LMBRD1: variants seen among roughly 807,000 people sequenced by gnomAD.
LMBRD1 encodes LMBR1 domain containing 1, also known as lysosomal cobalamin transport escort protein LMBD1.
In LMBRD1, 64 loss-of-function variants were observed where a neutral mutation model predicts 74.8. That is an observed-to-expected ratio of 0.86 (90% CI 0.70 to 1.05). The LOEUF (loss-of-function observed/expected upper bound fraction) is 1.05. Ranked by LOEUF, LMBRD1 falls within the 50% of genes least tolerant of loss-of-function variation. The pLI, the probability that LMBRD1 is intolerant of heterozygous loss-of-function variation, is 0.00. For synonymous variants in LMBRD1, 204 were observed against 216.3 expected (o/e 0.94, Z 0.50); for missense variants, 652 against 645.9 (o/e 1.01, Z -0.10).
intron 1 of LMBRD1, among the ~76,000 whole-genome samples, chr6:69,793,405 A>C (rs1317223429): frequency 6.6e-6 from 1 of 152,206 alleles, no homozygotes; most frequent in African/African-American, 2.4e-5. Context: ...ATTCAGTAGG[A>C]CTGGGGTCAC....
At chr6:69,702,375 T>C (rs1766153182) in intron 9 of LMBRD1, among the ~76,000 whole-genome samples, 1 of 151,736 alleles carries the variant, frequency 6.6e-6, no homozygotes, top group Non-Finnish European at 1.5e-5. Context: ...CATTTTCCCA[T>C]AGAAGTAATA....
rs1269295974 is a variant in LMBRD1 at position 69,775,024 on chromosome 6, AGGGAGGGAG to A, written c.307+5461_307+5469del. 4.9e-3 allele frequency among the ~76,000 whole-genome samples: 524 copies of A among 107,848 alleles called. 70 individuals are homozygous for A. Among genetic ancestry groups the A allele is most frequent in the Non-Finnish European group, 7.4e-3 (372 of 50,384 alleles). 70.8% of individuals were successfully genotyped at this position (107,848 alleles called of 152,430 possible). A position where few individuals can be genotyped will look rare whatever the true frequency, so the allele number is the denominator to read the frequency against. ...GAGGGAGGGAGGGAGGGAGGGAGGG[AGGGAGGGAG>A]GGAAGGAAGGAAAAGATGAAGAACT... On this transcript the variant is annotated intron_variant, in intron 3 of 15. Transcript: ENST00000649934.
Position 69,700,677 on chromosome 6 carries a change from T to C in LMBRD1, c.1188+88A>G, listed in dbSNP as rs1766106657. 1.7e-5 allele frequency: 15 copies of C among 901,222 alleles called. No homozygotes were observed. In the Admixed American group the frequency reaches 5.3e-4, roughly 32 times the overall value. 55.8% of individuals were successfully genotyped at this position (901,222 alleles called of 1,614,324 possible). ...CTCACTTGTGGTATAAAGATACAGC[T>C]ACTATATTCTAAATCTAAGATAATT... On this transcript the variant is annotated intron_variant, in intron 12 of 15. Coordinates refer to ENST00000649934, the MANE Select transcript of LMBRD1 (RefSeq NM_018368.4).
chr6:69,772,288 A>G (rs1474364684), intron 3 of LMBRD1, among the ~76,000 whole-genome samples: 3 of 152,202 alleles, frequency 2.0e-5, no homozygotes. Context: ...AACCCGTGGG[A>G]CATACAAATA....
chr6:69,687,457 A>G (rs1765788662), intron 14 of LMBRD1, among the ~76,000 whole-genome samples: 1 of 152,230 alleles, frequency 6.6e-6, no homozygotes, highest in African/African-American at 2.4e-5. Flanking sequence ...AGCACCTAGA[A>G]TAGTACCTAG....
chr6:69,741,532 C>A (rs531696165), intron 6 of LMBRD1, among the ~76,000 whole-genome samples: 1 of 152,230 alleles, frequency 6.6e-6, no homozygotes, highest in African/African-American at 2.4e-5. Context: ...ATTACAGGCG[C>A]CTGCCACTGC....
intron 9 of LMBRD1, chr6:69,706,180 AG>A: frequency 2.1e-6 from 1 of 471,748 alleles, no homozygotes; most frequent in South Asian, 1.9e-5. Flanking sequence ...GCACACACTT[AG>A]GTGGGAGAGA....
At chr6:69,786,820 C>A (rs3799120) in intron 2 of LMBRD1, among the ~76,000 whole-genome samples, 51,777 of 151,976 alleles carry the variant, frequency 0.34, 9,837 homozygotes, top group East Asian at 0.54. Flanking sequence ...AAAGCCTGGG[C>A]ACCTTCTGTT....
intron 14 of LMBRD1, among the ~76,000 whole-genome samples, chr6:69,680,052 G>C (rs1342180806): frequency 6.6e-6 from 1 of 152,034 alleles, no homozygotes; most frequent in African/African-American, 2.4e-5. Flanking sequence ...TGTCTCTACA[G>C]TTGAAACAGA....
At chr6:69,681,342 T>A (rs1423294055) in intron 14 of LMBRD1, among the ~76,000 whole-genome samples, 2 of 151,714 alleles carry the variant, frequency 1.3e-5, no homozygotes, top group Non-Finnish European at 2.9e-5. Context: ...AAGTACACCA[T>A]TTTTTTTGTA....
At chr6:69,740,080 G>C (rs774990200) in intron 6 of LMBRD1, among the ~76,000 whole-genome samples, 1 of 151,754 alleles carries the variant, frequency 6.6e-6, no homozygotes, top group Non-Finnish European at 1.5e-5. Flanking sequence ...CACTCTAGCC[G>C]GGGTGACAGA....
At position 69,676,188 on chromosome 6, in the gene LMBRD1, A is replaced by G. The variant is rs1765540294; in HGVS notation, c.1593T>C (p.Ser531=). ...CAGAATAGACAGAGGGCTCATCATC[A>G]CTTATGTCTGAATCTTCATCTACTC... ...IEGVDEDSDI[S]DDEPSVYSA Residue 531 remains serine (S), a synonymous_variant, in exon 16 of 16, where the codon AGT becomes AGC. Coordinates refer to ENST00000649934, the MANE Select transcript of LMBRD1 (RefSeq NM_018368.4). 1 of 1,613,250 alleles carries G rather than the reference A, an allele frequency of 6.2e-7. No individual in the cohort carries two copies. Among genetic ancestry groups the G allele is most frequent in the East Asian group, 2.2e-5 (1 of 44,798 alleles).
chr6:69,796,820 A>G lies in LMBRD1; in HGVS notation c.62T>C (p.Leu21Ser). The G allele has an allele frequency of 3.7e-6, 6 of 1,613,740 alleles. No homozygotes were observed. Among genetic ancestry groups the G allele is most frequent in the Non-Finnish European group, 5.1e-6 (6 of 1,179,894 alleles). ...TCCAAGCGCCTCCCCTACCAGTAGT[A>G]AGAGGCCGAATATGCACCAGCCGAT... Reference protein sequence around the residue: ...LVIGWCIFGLLLLAILAFCWI... With the variant: ...LVIGWCIFGLSLLAILAFCWI... Residue 21 changes from leucine (L) to serine (S), a missense_variant, in exon 1 of 16, where the codon TTA becomes TCA. By Grantham distance (145) the Leu-to-Ser change is moderately radical. Transcript: ENST00000649934.
chr6:69,725,258 T>C (rs984793405), intron 7 of LMBRD1, among the ~76,000 whole-genome samples: 1 of 150,370 alleles, frequency 6.7e-6, no homozygotes, highest in Non-Finnish European at 1.5e-5. Context: ...ATTGGAAGAG[T>C]CAATATTGTT....
At chr6:69,741,670 T>C in intron 6 of LMBRD1, 119 bp downstream of exon 6, 2 of 615,568 alleles carry the variant, frequency 3.2e-6, no homozygotes, top group Admixed American at 2.3e-5. Flanking sequence ...ATTACAGGCA[T>C]GAGCCACCAC....
At chr6:69,735,331 C>A (rs1463257483) in intron 7 of LMBRD1, among the ~76,000 whole-genome samples, 1 of 151,854 alleles carries the variant, frequency 6.6e-6, no homozygotes. Context: ...TGGGAGGAAA[C>A]CAGAGTACCC....
chr6:69,737,896 T>C (rs1428104944), intron 7 of LMBRD1, 46 bp downstream of exon 7: 3 of 1,227,016 alleles, frequency 2.4e-6, no homozygotes, highest in Admixed American at 1.7e-5. Flanking sequence ...GGTAAAAAAA[T>C]TGTTTTATAA....
At chr6:69,680,409 C>G (rs989654745) in intron 14 of LMBRD1, among the ~76,000 whole-genome samples, 1 of 152,032 alleles carries the variant, frequency 6.6e-6, no homozygotes, top group African/African-American at 2.4e-5. Context: ...AGGGCCAGAA[C>G]AGGGCTAACA....
intron 4 of LMBRD1, among the ~76,000 whole-genome samples, chr6:69,750,668 G>A (rs964325962): frequency 6.6e-6 from 1 of 152,116 alleles, no homozygotes; most frequent in East Asian, 1.9e-4. Flanking sequence ...AAGGGTAGAA[G>A]AATGTGCACT....
Sources: gnomAD v4.1 joint callset for allele counts (sites outside exome capture counted in the v4.1 genomes callset) on GRCh38, gnomAD v4.1.1 for gene constraint, MANE v1.5 for transcripts, NCBI Gene and HGNC (gene_info 2026-07-23, HGNC 2026-07-21) for gene names.